The following MVB12B variants were observed in gnomAD, a reference collection of about 807,000 sequenced individuals.
The protein encoded by MVB12B is ESCRT-I complex subunit MVB12B.
Under a neutral mutation model 41.6 loss-of-function variants are expected in MVB12B, and 16 were observed. The observed-to-expected ratio is 0.38, with a 90% CI of 0.26 to 0.58. The LOEUF is 0.58. Among genes scored for constraint, MVB12B ranks in the 20% least tolerant of loss-of-function variants. MVB12B has a pLI of 0.62. For synonymous variants in MVB12B, 133 were observed against 139.7 expected (o/e 0.95, Z 0.34); for missense variants, 274 against 380.2 (o/e 0.72, Z 2.32).
intron 7 of MVB12B, among the ~76,000 whole-genome samples, chr9:126,422,352 G>A (rs1459521126): frequency 6.6e-6 from 1 of 152,152 alleles, no homozygotes; most frequent in Non-Finnish European, 1.5e-5. Context: ...TCACAGCCAG[G>A]TTTGTGGCCA....
At chr9:126,355,322 G>T (rs572092757) in intron 2 of MVB12B, among the ~76,000 whole-genome samples, 33 of 152,286 alleles carry the variant, frequency 2.2e-4, no homozygotes, top group African/African-American at 7.9e-4. Context: ...GGAAATGCTG[G>T]GTGGGCTTTG....
At chr9:126,437,686 G>C (rs917401966) in intron 7 of MVB12B, among the ~76,000 whole-genome samples, 2 of 152,188 alleles carry the variant, frequency 1.3e-5, no homozygotes, top group Non-Finnish European at 2.9e-5. Flanking sequence ...TTAAAATAGC[G>C]TTGACAGGCG....
chr9:126,333,698 G>A lies in MVB12B; in HGVS notation c.81+6688G>A, dbSNP rs192442383. 5.9e-5 allele frequency among the ~76,000 whole-genome samples: 9 copies of A among 152,292 alleles called. No individual in the cohort carries two copies. Among genetic ancestry groups the A allele is most frequent in the East Asian group, 1.9e-4 (1 of 5,172 alleles). On this transcript the variant is annotated intron_variant, in intron 1 of 9. Transcript: ENST00000361171. This position sits in a 1 kb window ranked among gnomAD's most constrained non-coding sequence, Gnocchi z 4.7. Reference sequence around the variant, plus strand: ...ATTACAGGCGTGAGCCACCATGCCCGTGTGTGACCCTGGTTTTAAATGGTG... The same window carrying A: ...ATTACAGGCGTGAGCCACCATGCCCATGTGTGACCCTGGTTTTAAATGGTG...
chr9:126,335,380 T>C (rs889177245), intron 1 of MVB12B: 2 of 1,304,206 alleles, frequency 1.5e-6, no homozygotes, highest in African/African-American at 3.0e-5. Context: ...GCATGGACAC[T>C]GGCCTCAGCT....
chr9:126,488,204 C>T (rs182763208), intron 9 of MVB12B, among the ~76,000 whole-genome samples: 2 of 152,208 alleles, frequency 1.3e-5, no homozygotes, highest in East Asian at 3.9e-4. Context: ...GCTGTGTTCC[C>T]TGGGTCGGGA....
chr9:126,438,441 C>T (rs61066020), intron 7 of MVB12B, among the ~76,000 whole-genome samples: 37,621 of 152,020 alleles, frequency 0.25, 4,885 homozygotes, highest in Middle Eastern at 0.28. Flanking sequence ...GATAATTCGT[C>T]TCTAACATTT....
At position 126,503,279 on chromosome 9, in the gene MVB12B, C is replaced by A. The variant is rs1481673239; in HGVS notation, c.*16C>A. The A allele has an allele frequency of 1.9e-6, 3 of 1,547,832 alleles. No individual in the cohort carries two copies. In the African/African-American group the frequency reaches 4.1e-5, roughly 21 times the overall value. Reference sequence around the variant, plus strand: ...GCAGTCCTGAGGAGCCAGCGGCCACCTGCGGGGAGACCACCGCCGCCCAGA... The same window carrying A: ...GCAGTCCTGAGGAGCCAGCGGCCACATGCGGGGAGACCACCGCCGCCCAGA... On this transcript the variant is annotated 3_prime_UTR_variant, in exon 10 of 10. Transcript: ENST00000361171.
At chr9:126,363,670 A>AC (rs1300705355) in intron 2 of MVB12B, among the ~76,000 whole-genome samples, 11 of 152,324 alleles carry the variant, frequency 7.2e-5, no homozygotes, top group Non-Finnish European at 1.5e-4. Flanking sequence ...AGCACCTAGC[A>AC]CTCAGTAAGT....
chr9:126,346,473 C>G (rs547141620), intron 2 of MVB12B, among the ~76,000 whole-genome samples: 12 of 152,200 alleles, frequency 7.9e-5, no homozygotes, highest in South Asian at 2.1e-4. Context: ...GGAGCAGAGA[C>G]AGCCAGGTCG....
intron 2 of MVB12B, among the ~76,000 whole-genome samples, chr9:126,373,967 G>A (rs1183360179): frequency 6.6e-6 from 1 of 152,136 alleles, no homozygotes; most frequent in Non-Finnish European, 1.5e-5. Context: ...ACAGATAATT[G>A]TTTTGAAAAC....
chr9:126,352,767 G>C (rs117159228), intron 2 of MVB12B, among the ~76,000 whole-genome samples: 3,012 of 152,318 alleles, frequency 0.02, 45 homozygotes, highest in Middle Eastern at 0.071. Flanking sequence ...GGAAGTGGAA[G>C]TACTGGCTTG....
intron 7 of MVB12B, among the ~76,000 whole-genome samples, chr9:126,472,115 C>T (rs958563068): frequency 6.6e-6 from 1 of 151,998 alleles, no homozygotes; most frequent in Non-Finnish European, 1.5e-5. Context: ...TAAGGGTTGG[C>T]GGCTCTGAGC....
chr9:126,472,493 C>G (rs1188316303), intron 7 of MVB12B, among the ~76,000 whole-genome samples: 4 of 150,976 alleles, frequency 2.6e-5, no homozygotes, highest in Non-Finnish European at 4.4e-5. Context: ...ACCCACCACC[C>G]CCTTTTTCCT....
chr9:126,334,483 C>A (rs1170741980), intron 1 of MVB12B, among the ~76,000 whole-genome samples: 1 of 152,232 alleles, frequency 6.6e-6, no homozygotes, highest in Non-Finnish European at 1.5e-5. Context: ...ATGATTCTGG[C>A]AGGGGCCCCC....
chr9:126,462,874 A>G (rs1213667433), intron 7 of MVB12B, among the ~76,000 whole-genome samples: 2 of 152,182 alleles, frequency 1.3e-5, no homozygotes, highest in Non-Finnish European at 2.9e-5. Context: ...CACAACCAAT[A>G]TTTAGAGGAT....
intron 7 of MVB12B, among the ~76,000 whole-genome samples, chr9:126,463,120 G>T (rs1023493955): frequency 6.6e-6 from 1 of 152,196 alleles, no homozygotes; most frequent in African/African-American, 2.4e-5. Flanking sequence ...GGGCCAGTGG[G>T]TGTGGTGTGT....
chr9:126,469,776 T>C (rs60149270), intron 7 of MVB12B, among the ~76,000 whole-genome samples: 104 of 152,364 alleles, frequency 6.8e-4, no homozygotes, highest in African/African-American at 2.5e-3. Flanking sequence ...GCAGCAGGTG[T>C]GTGCACTGAC....
intron 6 of MVB12B, among the ~76,000 whole-genome samples, chr9:126,406,672 G>A (rs1564313930): frequency 6.6e-6 from 1 of 152,250 alleles, no homozygotes; most frequent in African/African-American, 2.4e-5. Context: ...GAAGTGTGGT[G>A]CCCCTGGTCC....
At position 126,485,572 on chromosome 9, in the gene MVB12B, CTTCCACT is replaced by C. The variant is rs2119212071; in HGVS notation, c.873+1541_873+1547del. On this transcript the variant is annotated intron_variant, in intron 9 of 9. Transcript: ENST00000361171. ...ACTGTGCTTCATGAGGTCAGGGTAC[CTTCCACT>C]GTGCTTCATGAGGTCAGGGTACTTC... 6.4e-5 allele frequency among the ~76,000 whole-genome samples: 4 copies of C among 62,198 alleles called. No individual in the cohort carries two copies. The South Asian group carries it at 2.0e-3, about 31-fold the overall frequency. The allele number at this position is 62,198 out of a possible 152,430, so 40.8% of individuals were successfully genotyped here.
Sources: gnomAD v4.1 joint callset for allele counts (sites outside exome capture counted in the v4.1 genomes callset) on GRCh38, gnomAD v4.1.1 for gene constraint, Gnocchi (gnomAD v3.1) non-coding constraint, MANE v1.5 for transcripts, NCBI Gene and HGNC (gene_info 2026-07-23, HGNC 2026-07-21) for gene names.